Variants in BTBD7 observed in about 807,000 individuals in gnomAD.
BTBD7 encodes BTB/POZ domain-containing protein 7.
Under a neutral mutation model 99.9 loss-of-function variants are expected in BTBD7, and 38 were observed. That is an observed-to-expected ratio of 0.38 (90% CI 0.29 to 0.50). BTBD7 has a LOEUF of 0.50. Ranked by LOEUF, BTBD7 falls within the 20% of genes least tolerant of loss-of-function variation. The pLI is 0.93. For synonymous variants in BTBD7, 520 were observed against 511.4 expected (o/e 1.02, Z -0.23); for missense variants, 1,170 against 1,394.6 (o/e 0.84, Z 2.57).
At chr14:93,284,970 CAT>C (rs898898553) in intron 3 of BTBD7, among the ~76,000 whole-genome samples, 20 of 151,982 alleles carry the variant, frequency 1.3e-4, no homozygotes, top group Non-Finnish European at 2.4e-4. Context: ...TATATATAAA[CAT>C]ATATATAAAT....
At chr14:93,278,336 C>T (rs2052679703) in intron 3 of BTBD7, among the ~76,000 whole-genome samples, 1 of 152,192 alleles carries the variant, frequency 6.6e-6, no homozygotes, top group South Asian at 2.1e-4. Flanking sequence ...ATCGCTTGAG[C>T]CCAGGAGGCG....
At chr14:93,263,525 C>A (rs1396209432) in intron 4 of BTBD7, among the ~76,000 whole-genome samples, 1 of 152,164 alleles carries the variant, frequency 6.6e-6, no homozygotes, top group Non-Finnish European at 1.5e-5. Context: ...TCTGACCTTG[C>A]CTACTGCCCC....
chr14:93,332,528 C>T (rs2053452646), intron 1 of BTBD7, among the ~76,000 whole-genome samples: 1 of 151,814 alleles, frequency 6.6e-6, no homozygotes, highest in Non-Finnish European at 1.5e-5. Flanking sequence ...CTCCCTCGGG[C>T]CGCTCTCCCC....
chr14:93,245,006 C>T (rs969188075), intron 10 of BTBD7, among the ~76,000 whole-genome samples: 1 of 151,738 alleles, frequency 6.6e-6, no homozygotes, highest in South Asian at 2.1e-4. Context: ...ACTACAGGCA[C>T]GTGCTACCAC....
chr14:93,262,996 T>C (rs1566840567), intron 4 of BTBD7, among the ~76,000 whole-genome samples: 1 of 152,222 alleles, frequency 6.6e-6, no homozygotes, highest in Non-Finnish European at 1.5e-5. Context: ...GCACAGATGC[T>C]GAGTGTATTA....
At chr14:93,265,100 C>CAAATA (rs959182303) in intron 3 of BTBD7, among the ~76,000 whole-genome samples, 7 of 152,156 alleles carry the variant, frequency 4.6e-5, no homozygotes, top group African/African-American at 1.2e-4. Flanking sequence ...GACTCCGTCT[C>CAAATA]AAATAAAATA....
chr14:93,270,107 T>G (rs2052585423), intron 3 of BTBD7, among the ~76,000 whole-genome samples: 1 of 152,190 alleles, frequency 6.6e-6, no homozygotes, highest in Non-Finnish European at 1.5e-5. Context: ...TTTATTTTTA[T>G]TTTTTTGAGA....
In BTBD7 at chr14:93,294,942, G is replaced by GA. The variant is rs777485224; in HGVS notation, c.83-6dup. ...GCTGAGAATAGGATGAGGTCCCTAA[G>GA]AAAAAAATTAAACAAATGAAAATTT... On this transcript the variant is annotated splice_region_variant and splice_polypyrimidine_tract_variant and intron_variant, in intron 2 of 10. Coordinates refer to ENST00000334746, the MANE Select transcript of BTBD7 (RefSeq NM_001002860.4). 4 of 1,524,386 alleles carry GA rather than the reference G, an allele frequency of 2.6e-6. No individual in the cohort carries two copies. Among genetic ancestry groups the GA allele is most frequent in the Middle Eastern group, 1.8e-4 (1 of 5,600 alleles). 94.4% of individuals were successfully genotyped at this position (1,524,386 alleles called of 1,614,324 possible).
At chr14:93,324,516 G>C (rs1361394151) in intron 1 of BTBD7, among the ~76,000 whole-genome samples, 1 of 152,144 alleles carries the variant, frequency 6.6e-6, no homozygotes, top group Non-Finnish European at 1.5e-5. Flanking sequence ...CCTGTGGTGG[G>C]GATGGCTCCA....
intron 1 of BTBD7, among the ~76,000 whole-genome samples, chr14:93,299,394 G>C (rs2139778413): frequency 6.6e-6 from 1 of 152,356 alleles, no homozygotes; most frequent in East Asian, 1.9e-4. Context: ...CTCCAGCGAT[G>C]TGTTCTCTCC....
In BTBD7 at chr14:93,293,949, G is replaced by T; in HGVS notation, c.1071C>A (p.Leu357=). Residue 357 remains leucine, a synonymous_variant, in exon 3 of 11, where the codon CTC becomes CTA. Coordinates refer to ENST00000334746, the MANE Select transcript of BTBD7 (RefSeq NM_001002860.4). ...TGGTCATGTTTGGCTTCCCTGCGAC[G>T]AGAGCCTGAACTTCACTGAGACTCC... The part of the protein sequence containing the change: ...SVGSLSEVQA[L]VAGKPNMTRA... 6.2e-7 allele frequency: 1 copy of T among 1,613,702 alleles called. No homozygotes were observed. Among genetic ancestry groups the T allele is most frequent in the Non-Finnish European group, 8.5e-7 (1 of 1,179,864 alleles).
In BTBD7 at chr14:93,242,747, G is replaced by A. The variant is rs946214716; in HGVS notation, c.2925C>T (p.Pro975=). The change falls in exon 11 of 11, where the codon CCC becomes CCT. Residue 975 remains proline, a synonymous_variant. Coordinates refer to ENST00000334746, the MANE Select transcript of BTBD7 (RefSeq NM_001002860.4). The part of the protein sequence containing the change: ...PSPSQGGYFG[P]DLYSHNKASP... Reference sequence around the variant, plus strand: ...ATGCCTTATTGTGGCTGTACAGATCGGGACCAAAATATCCACCTTGCGAAG... The same window carrying A: ...ATGCCTTATTGTGGCTGTACAGATCAGGACCAAAATATCCACCTTGCGAAG... 2.5e-6 allele frequency: 4 copies of A among 1,614,180 alleles called. No individual in the cohort carries two copies. Among genetic ancestry groups the A allele is most frequent in the East Asian group, 2.2e-5 (1 of 44,888 alleles).
chr14:93,278,706 C>A (rs143522314), intron 3 of BTBD7, among the ~76,000 whole-genome samples: 58 of 152,324 alleles, frequency 3.8e-4, no homozygotes, highest in African/African-American at 1.3e-3. Context: ...TATAGGACCA[C>A]CATTGTACAT....
chr14:93,328,948 A>G (rs1022525450), intron 1 of BTBD7, among the ~76,000 whole-genome samples: 4 of 152,146 alleles, frequency 2.6e-5, no homozygotes, highest in Admixed American at 6.5e-5. Context: ...ATAGGGGAAA[A>G]GCTTCCTGAC....
In BTBD7 at chr14:93,294,759, T is replaced by C; in HGVS notation, c.261A>G (p.Arg87=). The C allele has an allele frequency of 6.2e-7, 1 of 1,613,996 alleles. No homozygotes were observed. The highest frequency in any genetic ancestry group is 1.1e-5 in the South Asian group (1 of 91,062). ...TAACATCCCACCCAGAGAGGAGTTC[T>C]CGCATCTGCTTGGCATGATCGGCAG... The part of the protein sequence containing the change: ...NRSADHAKQM[R]ELLSGWDVRD... Residue 87 remains arginine (R), a synonymous_variant, in exon 3 of 11, where the codon CGA becomes CGG. Coordinates refer to ENST00000334746, the MANE Select transcript of BTBD7 (RefSeq NM_001002860.4).
rs770120327 is a variant in BTBD7 at position 93,294,406 on chromosome 14, C to G, written c.614G>C (p.Gly205Ala). ...CCTTGAGTCCTCCATTCCAAACTCT[C>G]CTGTATAAAGGTAGTGTAACAAAGC... Reference protein sequence around the residue: ...FSALLHYLYTGEFGMEDSRFQ... With the variant: ...FSALLHYLYTAEFGMEDSRFQ... The change falls in exon 3 of 11, where the codon GGA (glycine) becomes GCA (alanine). Residue 205 changes from glycine (G) to alanine (A), a missense_variant. Gly to Ala is a moderately conservative substitution (Grantham distance 60). Coordinates refer to ENST00000334746, the MANE Select transcript of BTBD7 (RefSeq NM_001002860.4). 6.2e-7 allele frequency: 1 copy of G among 1,614,158 alleles called. No homozygotes were observed. Among genetic ancestry groups the G allele is most frequent in the South Asian group, 1.1e-5 (1 of 91,076 alleles).
intron 8 of BTBD7, 87 bp from the exon 9 acceptor site, chr14:93,248,741 T>A (rs1186614960): frequency 1.7e-6 from 2 of 1,199,094 alleles, no homozygotes; most frequent in East Asian, 5.2e-5. Flanking sequence ...AGCATGTATT[T>A]CATACCAGAA....
intron 3 of BTBD7, among the ~76,000 whole-genome samples, chr14:93,283,991 A>T (rs1363813406): frequency 1.3e-5 from 2 of 152,254 alleles, no homozygotes; most frequent in Non-Finnish European, 2.9e-5. Context: ...AAAGATACTT[A>T]ACTTAGATTA....
At chr14:93,261,548 G>T in intron 5 of BTBD7, 54 bp downstream of exon 5, 1 of 1,370,334 alleles carries the variant, frequency 7.3e-7, no homozygotes, top group Non-Finnish European at 1.0e-6. Context: ...TTCTATATAA[G>T]AACCACCAAA....
Sources: allele counts gnomAD v4.1 joint callset (sites outside exome capture counted in the v4.1 genomes callset), GRCh38; gene constraint gnomAD v4.1.1; transcripts MANE v1.5; gene names NCBI Gene and HGNC (gene_info 2026-07-23, HGNC 2026-07-21).